The following TMEM45A variants were observed in gnomAD, a reference collection of about 807,000 sequenced individuals.
TMEM45A encodes the protein transmembrane protein 45A.
Under a neutral mutation model 32.0 loss-of-function variants are expected in TMEM45A, and 25 were observed. The ratio of observed to expected loss-of-function variants is 0.78; its 90% confidence interval spans 0.57 to 1.09. TMEM45A has a LOEUF of 1.09. TMEM45A is among the 50% of genes least tolerant of loss of function. The pLI, the probability that TMEM45A is intolerant of heterozygous loss-of-function variation, is 0.00. For synonymous variants in TMEM45A, 122 were observed against 114.8 expected, an observed-to-expected ratio of 1.06 and a Z score of -0.40; for missense variants, 302 against 325.0, an observed-to-expected ratio of 0.93 and a Z score of 0.54.
chr3:100,522,907 G>A (rs1202900357), intron 1 of TMEM45A, among the ~76,000 whole-genome samples: 1 of 152,214 alleles, frequency 6.6e-6, no homozygotes, highest in Non-Finnish European at 1.5e-5. Flanking sequence ...AAGTTTGGGA[G>A]AACCAAGTTC....
intron 1 of TMEM45A, among the ~76,000 whole-genome samples, chr3:100,546,406 T>G (rs1479554028): frequency 1.3e-5 from 2 of 152,240 alleles, no homozygotes; most frequent in Non-Finnish European, 2.9e-5. Flanking sequence ...CCCTGTAACT[T>G]GAAGCAGATC....
At chr3:100,511,714 G>C (rs1175359193) in intron 1 of TMEM45A, among the ~76,000 whole-genome samples, 2 of 151,252 alleles carry the variant, frequency 1.3e-5, no homozygotes, top group Non-Finnish European at 3.0e-5. Context: ...TCAGTGTGCT[G>C]TATTCAGGAA....
intron 5 of TMEM45A, among the ~76,000 whole-genome samples, chr3:100,576,146 C>T (rs942139913): frequency 2.6e-5 from 4 of 151,628 alleles, no homozygotes; most frequent in African/African-American, 9.7e-5. Context: ...AACCCCTTGT[C>T]TACTAAAAAT....
intron 1 of TMEM45A, among the ~76,000 whole-genome samples, chr3:100,548,053 G>A (rs1706015558): frequency 6.6e-6 from 1 of 152,148 alleles, no homozygotes; most frequent in Non-Finnish European, 1.5e-5. Context: ...GTTGGTAGTG[G>A]GAACAATAGG....
intron 1 of TMEM45A, among the ~76,000 whole-genome samples, chr3:100,532,189 G>C (rs962594322): frequency 3.3e-5 from 5 of 152,106 alleles, no homozygotes; most frequent in African/African-American, 4.8e-5. Flanking sequence ...CAACACCCTG[G>C]AACACTCAGA....
At chr3:100,501,409 C>T (rs1708006121) in intron 1 of TMEM45A, among the ~76,000 whole-genome samples, 1 of 152,158 alleles carries the variant, frequency 6.6e-6, no homozygotes, top group South Asian at 2.1e-4. Context: ...GGGTTGAGAA[C>T]CATGGATCTA....
intron 1 of TMEM45A, among the ~76,000 whole-genome samples, chr3:100,523,937 A>G (rs1343911987): frequency 6.6e-6 from 1 of 152,240 alleles, no homozygotes; most frequent in East Asian, 1.9e-4. Flanking sequence ...GCGGAACTTC[A>G]AGTGCCACCA....
chr3:100,512,028 G>A (rs1463743589), intron 1 of TMEM45A, among the ~76,000 whole-genome samples: 2 of 152,008 alleles, frequency 1.3e-5, no homozygotes, highest in Non-Finnish European at 2.9e-5. Flanking sequence ...AATAATGGGA[G>A]ACTTTAACAC....
chr3:100,568,322 C>G (rs1706486221), intron 4 of TMEM45A, among the ~76,000 whole-genome samples: 1 of 152,084 alleles, frequency 6.6e-6, no homozygotes, highest in Admixed American at 6.6e-5. Flanking sequence ...GGCTTAATTA[C>G]TCTAGCTAAA....
At chr3:100,573,949 C>T (rs2148998798) in intron 5 of TMEM45A, 1 of 152,134 alleles carries the variant, frequency 6.6e-6, no homozygotes, top group South Asian at 2.1e-4. Context: ...GGGATGAAGC[C>T]CACTTGATCA....
At chr3:100,536,211 G>GT (rs1705736927) in intron 1 of TMEM45A, among the ~76,000 whole-genome samples, 1 of 152,162 alleles carries the variant, frequency 6.6e-6, no homozygotes, top group Non-Finnish European at 1.5e-5. Context: ...GATGTCAATA[G>GT]TGCCATTGTT....
intron 1 of TMEM45A, among the ~76,000 whole-genome samples, chr3:100,554,545 C>G (rs1187560323): frequency 6.6e-6 from 1 of 152,200 alleles, no homozygotes; most frequent in African/African-American, 2.4e-5. Context: ...GAACTAAAAA[C>G]ATGGGCCCAA....
chr3:100,499,301 T>C (rs2148924814), intron 1 of TMEM45A, among the ~76,000 whole-genome samples: 1 of 152,360 alleles, frequency 6.6e-6, no homozygotes, highest in South Asian at 2.1e-4. Context: ...CCATATGCCT[T>C]CTTCTGAGAA....
intron 1 of TMEM45A, among the ~76,000 whole-genome samples, chr3:100,501,161 G>A (rs6763079): frequency 0.23 from 34,794 of 152,182 alleles, 4,336 homozygotes; most frequent in East Asian, 0.37. Flanking sequence ...ATGAAAATTT[G>A]TCTGATTTTA....
intron 4 of TMEM45A, among the ~76,000 whole-genome samples, chr3:100,567,343 C>A (rs1706463091): frequency 6.6e-6 from 1 of 151,764 alleles, no homozygotes; most frequent in African/African-American, 2.4e-5. Context: ...TCTGGACTCT[C>A]AATTTTATTT....
chr3:100,497,971 A>G (rs1482026464), intron 1 of TMEM45A, among the ~76,000 whole-genome samples: 1 of 152,180 alleles, frequency 6.6e-6, no homozygotes, highest in Non-Finnish European at 1.5e-5. Context: ...CCCAAACCTC[A>G]TCTTAAATTG....
intron 1 of TMEM45A, among the ~76,000 whole-genome samples, chr3:100,510,342 C>T (rs1708139742): frequency 6.6e-6 from 1 of 152,152 alleles, no homozygotes; most frequent in African/African-American, 2.4e-5. Context: ...CTGGGAGGCA[C>T]CCCCCAGCAG....
At chr3:100,493,931 C>A (rs1707887171) in intron 1 of TMEM45A, among the ~76,000 whole-genome samples, 1 of 152,252 alleles carries the variant, frequency 6.6e-6, no homozygotes, top group Admixed American at 6.5e-5. Context: ...GGGGTTTCGC[C>A]ATGTTGGCCA....
intron 1 of TMEM45A, 104 bp from the exon 2 acceptor site, chr3:100,555,105 C>A: frequency 1.0e-6 from 1 of 1,003,100 alleles, no homozygotes; most frequent in Non-Finnish European, 1.5e-6. Flanking sequence ...AGTGATGTAT[C>A]CATAATAATC....
Sources: allele counts gnomAD v4.1 joint callset (sites outside exome capture counted in the v4.1 genomes callset), GRCh38; gene constraint gnomAD v4.1.1; transcripts MANE v1.5; gene names NCBI Gene and HGNC (gene_info 2026-07-23, HGNC 2026-07-21).